Variants in BTG4 observed in about 807,000 individuals in gnomAD.
BTG4 encodes protein BTG4.
BTG4 carries 10 observed loss-of-function variants against 19.3 expected under a neutral mutation model. That is an observed-to-expected ratio of 0.52 (90% CI 0.32 to 0.88). The LOEUF is 0.88. BTG4 is among the 40% of genes least tolerant of loss of function. The pLI, the probability that BTG4 is intolerant of heterozygous loss-of-function variation, is 0.04. For synonymous variants in BTG4, 91 were observed against 95.7 expected, an observed-to-expected ratio of 0.95 and a Z score of 0.29; for missense variants, 238 against 281.9, an observed-to-expected ratio of 0.84 and a Z score of 1.11.
the BTG4 span, chr11:111,453,288 A>G: frequency 6.0e-6 from 2 of 335,250 alleles, no homozygotes; most frequent in Non-Finnish European, 1.2e-5. Flanking sequence ...TCCAAGCAAG[A>G]GAGGATGAGG....
rs762204595 is a variant in BTG4 at position 111,495,316 on chromosome 11, T to C, written c.511-2A>G. ...AAAGGGCTGTTTCAAGTTTTCAACC[T>C]GGAAAAAAAAAGTATAAAGATCTCT... On this transcript the variant is annotated splice_acceptor_variant, in intron 4 of 4. Coordinates refer to ENST00000692032, the MANE Select transcript of BTG4 (RefSeq NM_001367975.1). LOFTEE classifies it high-confidence loss of function. 4 of 1,601,522 alleles carry C rather than the reference T, an allele frequency of 2.5e-6. No homozygotes were observed.
At chr11:111,481,057 T>C (rs1459458039) in intron 5 of BTG4, among the ~76,000 whole-genome samples, 9 of 151,500 alleles carry the variant, frequency 5.9e-5, no homozygotes, top group African/African-American at 2.2e-4. Context: ...CCTCTGACAA[T>C]TAAAAAGAAA....
At chr11:111,396,622 C>T in the BTG4 span, among the ~76,000 whole-genome samples, 239 of 152,370 alleles carry the variant, frequency 1.6e-3, no homozygotes, top group Non-Finnish European at 2.9e-3. Context: ...ATGCTATTCC[C>T]GCCCTCAATG....
chr11:111,437,311 T>A, the BTG4 span, among the ~76,000 whole-genome samples: 1 of 151,974 alleles, frequency 6.6e-6, no homozygotes. Flanking sequence ...AGGAGATCAT[T>A]CTCCTCCTCC....
the BTG4 span, among the ~76,000 whole-genome samples, chr11:111,435,367 C>T: frequency 6.6e-6 from 1 of 152,150 alleles, no homozygotes; most frequent in Non-Finnish European, 1.5e-5. Flanking sequence ...CCGCCACCAC[C>T]GCCACGGGTG....
At chr11:111,402,204 T>C in the BTG4 span, among the ~76,000 whole-genome samples, 3 of 19,840 alleles carry the variant, frequency 1.5e-4, no homozygotes, top group East Asian at 1.4e-3. Context: ...CCTGATGCCA[T>C]GTAAGATGTG....
At chr11:111,463,943 C>T (rs566578869), downstream of BTG4, among the ~76,000 whole-genome samples, 2 of 152,322 alleles carry the variant, frequency 1.3e-5, no homozygotes, top group East Asian at 1.9e-4. Context: ...AACATGGCAG[C>T]TGGCTTCTCT....
the BTG4 span, chr11:111,456,519 A>T: frequency 2.2e-6 from 1 of 456,490 alleles, no homozygotes; most frequent in Non-Finnish European, 4.4e-6. The surrounding 1 kb of genome is among the most constrained non-coding windows in gnomAD (Gnocchi z 4.2). Context: ...CTGCAGCCCC[A>T]GCAGGCCCTC....
intron 5 of BTG4, among the ~76,000 whole-genome samples, chr11:111,487,462 C>G (rs1865138273): frequency 6.6e-6 from 1 of 152,090 alleles, no homozygotes; most frequent in East Asian, 1.9e-4. Context: ...GAACATACCT[C>G]AAAATCATAA....
At chr11:111,494,001 G>A (rs1204341144), downstream of BTG4, among the ~76,000 whole-genome samples, 1 of 152,110 alleles carries the variant, frequency 6.6e-6, no homozygotes, top group Non-Finnish European at 1.5e-5. Flanking sequence ...CTACTCACAA[G>A]AGAACCAAGC....
chr11:111,405,437 A>T, the BTG4 span, among the ~76,000 whole-genome samples: 4 of 136,180 alleles, frequency 2.9e-5, no homozygotes, highest in South Asian at 2.4e-4. Context: ...AAAAAAAAAG[A>T]TGTCAGGACC....
the BTG4 span, among the ~76,000 whole-genome samples, chr11:111,399,688 G>T: frequency 6.6e-6 from 1 of 152,292 alleles, no homozygotes; most frequent in South Asian, 2.1e-4. Context: ...TGATCTCCTT[G>T]TTCCCGGGAC....
chr11:111,513,340 A>T, upstream of BTG4: 1 of 519,390 alleles, frequency 1.9e-6, no homozygotes, highest in Non-Finnish European at 3.9e-6. Flanking sequence ...TAGAGTATTC[A>T]CCAAGCTAGC....
At chr11:111,425,188 A>T in the BTG4 span, among the ~76,000 whole-genome samples, 1 of 152,190 alleles carries the variant, frequency 6.6e-6, no homozygotes, top group East Asian at 1.9e-4. Context: ...GGAGGTAGGA[A>T]AAATGAAGGG....
At chr11:111,406,647 A>T in the BTG4 span, among the ~76,000 whole-genome samples, 3 of 152,246 alleles carry the variant, frequency 2.0e-5, no homozygotes, top group Admixed American at 2.0e-4. Flanking sequence ...GTTGGACCAG[A>T]AATGAGCAGG....
chr11:111,421,195 C>G, the BTG4 span, among the ~76,000 whole-genome samples: 84 of 152,262 alleles, frequency 5.5e-4, no homozygotes, highest in African/African-American at 2.0e-3. Flanking sequence ...TATAGGGCCT[C>G]GTAGACTATC....
At chr11:111,401,074 A>AC in the BTG4 span, 2 of 151,666 alleles carry the variant, frequency 1.3e-5, no homozygotes, top group East Asian at 1.9e-4. Flanking sequence ...AAAAAAAAAA[A>AC]AAAAAAACAG....
chr11:111,417,287 G>A, the BTG4 span: 1 of 152,316 alleles, frequency 6.6e-6, no homozygotes, highest in Non-Finnish European at 1.5e-5. Context: ...AGCTTCGCAT[G>A]GCTGCACTTG....
intron 5 of BTG4, among the ~76,000 whole-genome samples, chr11:111,474,070 C>A (rs554791550): frequency 4.7e-4 from 72 of 152,208 alleles, no homozygotes; most frequent in Non-Finnish European, 8.2e-4. Context: ...ACAGTAGAGA[C>A]CTATCATGTC....
Sources: gnomAD v4.1 joint callset for allele counts (sites outside exome capture counted in the v4.1 genomes callset) on GRCh38, gnomAD v4.1.1 for gene constraint, Gnocchi (gnomAD v3.1) non-coding constraint, MANE v1.5 for transcripts, NCBI Gene and HGNC (gene_info 2026-07-23, HGNC 2026-07-21) for gene names.